RRM1: variants seen among roughly 807,000 people sequenced by gnomAD.
RRM1 encodes the protein ribonucleotide reductase catalytic subunit M1, also known as ribonucleoside-diphosphate reductase large subunit.
In RRM1, 19 loss-of-function variants were observed where a neutral mutation model predicts 101.5. That is an observed-to-expected ratio of 0.19 (90% CI 0.13 to 0.27). The LOEUF is 0.27. RRM1 is among the 10% of genes least tolerant of loss of function. The probability of loss-of-function intolerance (pLI) is 1.00; values close to 1 mark genes in which losing one functional copy is unlikely to be tolerated. For missense variants in RRM1, 500 were observed against 962.9 expected (o/e 0.52, Z 6.36); for synonymous variants, 298 against 323.4 (o/e 0.92, Z 0.84).
In RRM1 at chr11:4,123,149, A is replaced by C. The variant is rs188017882; in HGVS notation, c.1119-34A>C. 20 of 1,521,502 alleles carry C rather than the reference A, an allele frequency of 1.3e-5. No individual in the cohort carries two copies. The East Asian group carries it at 3.8e-4, about 29-fold the overall frequency. The allele number at this position is 1,521,502 out of a possible 1,614,324, so 94.3% of individuals were successfully genotyped here. On this transcript the variant is annotated intron_variant, in intron 11 of 18. Coordinates refer to ENST00000300738, the MANE Select transcript of RRM1 (RefSeq NM_001033.5). ...GTCTACAATAAAGTTTTTTTAGGGA[A>C]TATATATTAAATAATATTATCTGTG...
chr11:4,097,790 G>A (rs1365287345), intron 1 of RRM1, among the ~76,000 whole-genome samples: 1 of 152,136 alleles, frequency 6.6e-6, no homozygotes, highest in Non-Finnish European at 1.5e-5. Flanking sequence ...AGGGCAACTG[G>A]AAGTTGACTT....
At chr11:4,113,590 G>A (rs60180851) in intron 7 of RRM1, among the ~76,000 whole-genome samples, 3 of 152,128 alleles carry the variant, frequency 2.0e-5, no homozygotes, top group Non-Finnish European at 4.4e-5. Flanking sequence ...ATTACTTAAC[G>A]ATGGGGATAT....
At position 4,123,552 on chromosome 11, in the gene RRM1, T is replaced by A. The variant is rs112276920; in HGVS notation, c.1320+168T>A. Reference sequence around the variant, plus strand: ...AGCAAAGGAAGGAAAGGGTATGATCTGTGCCTATAAATGTTTTTTAGTCTA... The same window carrying A: ...AGCAAAGGAAGGAAAGGGTATGATCAGTGCCTATAAATGTTTTTTAGTCTA... On this transcript the variant is annotated intron_variant, in intron 12 of 18. Transcript: ENST00000300738. Among the ~76,000 whole-genome samples, 610 of 152,362 alleles carry A rather than the reference T, an allele frequency of 4.0e-3. 4 individuals carry two copies. Among genetic ancestry groups the A allele is most frequent in the South Asian group, 0.04 (193 of 4,828 alleles).
Position 4,123,277 on chromosome 11 carries a change from A to G in RRM1, c.1213A>G (p.Met405Val), listed in dbSNP as rs750021119. ...ESQTETGTPYMLYKDSCNRKS... is the reference protein window; with the variant it reads ...ESQTETGTPYVLYKDSCNRKS... Reference sequence around the variant, plus strand: ...TCAGACGGAAACAGGCACCCCGTATATGCTCTACAAAGATTCCTGTAATCG... The same window carrying G: ...TCAGACGGAAACAGGCACCCCGTATGTGCTCTACAAAGATTCCTGTAATCG... Residue 405 changes from methionine (M) to valine (V), a missense_variant, in exon 12 of 19, where the codon ATG (methionine) becomes GTG (valine). Around this residue, in one of 9 missense-constraint regions of RRM1, gnomAD observed 80 missense variants for 170.9 expected, o/e 0.47. Transcript: ENST00000300738. 4 of 1,614,114 alleles carry G rather than the reference A, an allele frequency of 2.5e-6. No individual in the cohort carries two copies. Among genetic ancestry groups the G allele is most frequent in the Non-Finnish European group, 1.7e-6 (2 of 1,179,982 alleles).
At chr11:4,116,175 T>A (rs557864281) in intron 7 of RRM1, 1 of 152,356 alleles carries the variant, frequency 6.6e-6, no homozygotes, top group Non-Finnish European at 1.5e-5. Context: ...TTCACGCTTC[T>A]GAGTGTGACA....
intron 1 of RRM1, among the ~76,000 whole-genome samples, chr11:4,095,367 C>T (rs2094542187): frequency 6.6e-6 from 1 of 152,224 alleles, no homozygotes; most frequent in African/African-American, 2.4e-5. Context: ...AGATGATTAG[C>T]TTATTACAGA....
At chr11:4,103,830 T>C (rs1329766598) in intron 2 of RRM1, among the ~76,000 whole-genome samples, 1 of 147,198 alleles carries the variant, frequency 6.8e-6, no homozygotes, top group Non-Finnish European at 1.5e-5. Context: ...GGTTTTGCTA[T>C]GTTGGCCAGG....
chr11:4,108,229 A>G (rs2094560818), intron 4 of RRM1, among the ~76,000 whole-genome samples: 1 of 152,198 alleles, frequency 6.6e-6, no homozygotes, highest in Non-Finnish European at 1.5e-5. Flanking sequence ...GATGTAGCCT[A>G]GCCAGCCCTT....
chr11:4,113,696 A>G (rs925735154), intron 7 of RRM1, among the ~76,000 whole-genome samples: 2 of 152,204 alleles, frequency 1.3e-5, no homozygotes, highest in African/African-American at 4.8e-5. Flanking sequence ...CACACATAGG[A>G]TATATGGCAT....
In RRM1 at chr11:4,126,786, C is replaced by T. The variant is rs1316694135; in HGVS notation, c.1423C>T (p.Arg475Ter). ...KLAEVTKVVV[R>*]NLNKIIDINY... ...GGCTGAAGTCACTAAAGTCGTTGTCCGAAACTTGAATAAAATTATTGATAT... is the reference window on the plus strand; with the variant it reads ...GGCTGAAGTCACTAAAGTCGTTGTCTGAAACTTGAATAAAATTATTGATAT... The change falls in exon 13 of 19, where the codon CGA becomes TGA. Residue 475 changes from arginine (R) to a stop codon, truncating the protein, a stop_gained. Coordinates refer to ENST00000300738, the MANE Select transcript of RRM1 (RefSeq NM_001033.5). LOFTEE classifies it high-confidence loss of function. 6.2e-7 allele frequency: 1 copy of T among 1,613,096 alleles called. No individual in the cohort carries two copies. The highest frequency in any genetic ancestry group is 1.3e-5 in the African/African-American group (1 of 74,842).
intron 7 of RRM1, among the ~76,000 whole-genome samples, chr11:4,117,578 T>C (rs1177852098): frequency 6.6e-6 from 1 of 152,198 alleles, no homozygotes; most frequent in Non-Finnish European, 1.5e-5. Context: ...GTGTATAACA[T>C]GTAAAAATGT....
Position 4,130,066 on chromosome 11 carries a change from T to TTATATATA in RRM1, c.1769+930_1769+937dup, listed in dbSNP as rs746526097. On this transcript the variant is annotated intron_variant, in intron 15 of 18. Transcript: ENST00000300738. ...TTAAGAAAATGGACCTGTACTGTAT[T>TTATATATA]TATATATATATATATATATATTTTT... is the stretch of plus-strand genomic sequence containing the variant. 8.2e-4 allele frequency among the ~76,000 whole-genome samples: 27 copies of TTATATATA among 32,986 alleles called. No homozygotes were observed. In the South Asian group the frequency reaches 0.017, roughly 21 times the overall value. The allele number at this position is 32,986 out of a possible 152,430, so 21.6% of individuals were successfully genotyped here.
chr11:4,102,411 A>T (rs1256789135), intron 2 of RRM1, among the ~76,000 whole-genome samples: 2 of 152,118 alleles, frequency 1.3e-5, no homozygotes, highest in Non-Finnish European at 2.9e-5. Flanking sequence ...TAATCCCAGC[A>T]CTTTGGGAGG....
At chr11:4,100,222 A>C (rs974443599) in intron 1 of RRM1, among the ~76,000 whole-genome samples, 1 of 152,230 alleles carries the variant, frequency 6.6e-6, no homozygotes, top group South Asian at 2.1e-4. Context: ...TTTATTCTTC[A>C]TCAAATGTTT....
intron 17 of RRM1, among the ~76,000 whole-genome samples, chr11:4,134,776 C>T (rs970396092): frequency 3.3e-5 from 5 of 152,016 alleles, no homozygotes; most frequent in Admixed American, 1.3e-4. Context: ...CTTTAAGTGC[C>T]TCTAGAAGAA....
intron 7 of RRM1, among the ~76,000 whole-genome samples, chr11:4,116,917 T>C (rs1474424375): frequency 6.7e-6 from 1 of 149,060 alleles, no homozygotes; most frequent in African/African-American, 2.5e-5. Context: ...CTGTGAGCTA[T>C]GATCATGCCA....
intron 7 of RRM1, among the ~76,000 whole-genome samples, chr11:4,117,936 A>G (rs1439572164): frequency 6.6e-6 from 1 of 152,200 alleles, no homozygotes; most frequent in East Asian, 1.9e-4. Context: ...TTATTTTCAT[A>G]AATGTTTGTT....
intron 1 of RRM1, among the ~76,000 whole-genome samples, chr11:4,096,185 G>A (rs571257881): frequency 2.0e-5 from 3 of 152,070 alleles, no homozygotes; most frequent in Non-Finnish European, 4.4e-5. Flanking sequence ...ACCACCATGA[G>A]TGGCTAATTT....
intron 2 of RRM1, among the ~76,000 whole-genome samples, chr11:4,105,419 T>TG (rs1308248444): frequency 6.6e-6 from 1 of 151,978 alleles, no homozygotes; most frequent in Non-Finnish European, 1.5e-5. Context: ...TTAGTAGGGA[T>TG]GGGGTCTCAT....
Sources: allele counts gnomAD v4.1 joint callset (sites outside exome capture counted in the v4.1 genomes callset), GRCh38; gene constraint gnomAD v4.1.1; regional missense constraint gnomAD v4.1.1; transcripts MANE v1.5; gene names NCBI Gene and HGNC (gene_info 2026-07-23, HGNC 2026-07-21).